Variants in ATRX observed in about 807,000 individuals in gnomAD.
ATRX encodes the protein ATRX chromatin remodeler.
In ATRX, 12 loss-of-function variants were observed where a neutral mutation model predicts 172.6. That is an observed-to-expected ratio of 0.07 (90% CI 0.04 to 0.11). ATRX has a LOEUF of 0.11. ATRX is among the 10% of genes least tolerant of loss of function. ATRX has a pLI of 1.00. For missense variants in ATRX, 1,368 were observed against 1,767.4 expected (o/e 0.77, Z 4.05); for synonymous variants, 674 against 594.7 (o/e 1.13, Z -1.94).
Position 77,733,192 on chromosome X carries a change from TG to T in ATRX, c.21-15950del, listed in dbSNP as rs2074374744. On this transcript the variant is annotated intron_variant, in intron 1 of 34. Transcript: ENST00000373344. ...GTAAAGATATTTCATGTTCATGGAC[TG>T]GAAGAATCAATATTGTTAAACTGTC... Among the ~76,000 whole-genome samples, 3 of 111,883 alleles carry T rather than the reference TG, an allele frequency of 2.7e-5. No individual in the cohort carries two copies. In the Admixed American group the frequency reaches 2.9e-4, roughly 11 times the overall value.
chrX:77,595,653 A>C (rs1166018165), intron 25 of ATRX: 2 of 111,017 alleles, frequency 1.8e-5, no homozygotes, highest in African/African-American at 6.5e-5. Context: ...CCCTGGATAA[A>C]TGAAAATCAA....
chrX:77,736,929 G>A (rs782572967), intron 1 of ATRX, among the ~76,000 whole-genome samples: 21 of 111,574 alleles, frequency 1.9e-4, no homozygotes, highest in Non-Finnish European at 3.4e-4. Flanking sequence ...CAACATGGAT[G>A]GAACTAGAGG....
chrX:77,555,064 C>G (rs1347251268), intron 30 of ATRX, among the ~76,000 whole-genome samples: 2 of 111,775 alleles, frequency 1.8e-5, no homozygotes, highest in Admixed American at 9.5e-5. Flanking sequence ...ATTGCCTGGC[C>G]CCTCTGTACT....
At chrX:77,565,869 T>C (rs2065181131) in intron 28 of ATRX, among the ~76,000 whole-genome samples, 1 of 108,720 alleles carries the variant, frequency 9.2e-6, no homozygotes, top group African/African-American at 3.3e-5. Flanking sequence ...AAAAAAAAAT[T>C]AGAACTGAAA....
intron 4 of ATRX, 73 bp from the exon 5 acceptor site, chrX:77,696,777 A>G: frequency 1.9e-6 from 2 of 1,070,107 alleles, no homozygotes; most frequent in South Asian, 2.0e-5. Context: ...AACATAAATA[A>G]CATGTTGAGA....
intron 25 of ATRX, chrX:77,594,571 T>C (rs1557082901): frequency 8.9e-6 from 1 of 112,091 alleles, no homozygotes; most frequent in African/African-American, 3.2e-5. Context: ...TATATTTTTG[T>C]TACAAAAATT....
intron 30 of ATRX, among the ~76,000 whole-genome samples, chrX:77,552,738 G>T (rs1557056998): frequency 9.0e-6 from 1 of 111,121 alleles, no homozygotes; most frequent in Admixed American, 9.6e-5. Context: ...TAAGTCTGAG[G>T]TATTAAATCA....
intron 1 of ATRX, among the ~76,000 whole-genome samples, chrX:77,725,284 A>G (rs1324555979): frequency 8.9e-6 from 1 of 111,902 alleles, no homozygotes; most frequent in Non-Finnish European, 1.9e-5. Context: ...ATATAGAACA[A>G]TGGAACAAAA....
intron 1 of ATRX, among the ~76,000 whole-genome samples, chrX:77,759,371 C>A (rs1052533292): frequency 7.4e-5 from 8 of 107,629 alleles, no homozygotes; most frequent in Non-Finnish European, 1.2e-4. Context: ...AAAAAAAAAA[C>A]AACAACTATC....
intron 26 of ATRX, among the ~76,000 whole-genome samples, chrX:77,592,297 G>C (rs1291178169): frequency 9.4e-6 from 1 of 105,927 alleles, no homozygotes; most frequent in African/African-American, 3.5e-5. Context: ...TGTAATCCCA[G>C]CTACTCAGGA....
At chrX:77,678,542 A>G in intron 9 of ATRX, among the ~76,000 whole-genome samples, 1 of 112,168 alleles carries the variant, frequency 8.9e-6, no homozygotes, top group Non-Finnish European at 1.9e-5. Flanking sequence ...GCTCAAGTGC[A>G]GTGGCGCGAT....
intron 6 of ATRX, among the ~76,000 whole-genome samples, chrX:77,693,038 C>T (rs929839891): frequency 1.1e-4 from 12 of 110,903 alleles, no homozygotes; most frequent in East Asian, 2.8e-4. Context: ...AGGCATGCGC[C>T]GCTATGTCCA....
At chrX:77,704,195 C>T (rs1364354255) in intron 2 of ATRX, among the ~76,000 whole-genome samples, 1 of 110,928 alleles carries the variant, frequency 9.0e-6, no homozygotes, top group Non-Finnish European at 1.9e-5. Context: ...CCCATCGTCT[C>T]TGCAGCTCTC....
intron 22 of ATRX, among the ~76,000 whole-genome samples, chrX:77,614,786 C>A (rs1487197173): frequency 2.7e-5 from 3 of 111,344 alleles, no homozygotes; most frequent in African/African-American, 9.8e-5. Flanking sequence ...TAACTACAGT[C>A]ACCCCATTCT....
At chrX:77,629,640 G>A (rs2068020592) in intron 19 of ATRX, among the ~76,000 whole-genome samples, 1 of 111,469 alleles carries the variant, frequency 9.0e-6, no homozygotes, top group Non-Finnish European at 1.9e-5. Flanking sequence ...TTTAACAAGG[G>A]TAATCTAGGT....
chrX:77,572,465 T>C (rs1256331133), intron 28 of ATRX, among the ~76,000 whole-genome samples: 1 of 111,748 alleles, frequency 8.9e-6, no homozygotes, highest in Non-Finnish European at 1.9e-5. Flanking sequence ...AGCATGAATT[T>C]GAATGACATG....
At chrX:77,551,113 T>C (rs1440473304) in intron 30 of ATRX, among the ~76,000 whole-genome samples, 15 of 111,591 alleles carry the variant, frequency 1.3e-4, no homozygotes, top group African/African-American at 4.6e-4. Flanking sequence ...TGGAAAAAAC[T>C]ACTTTAAAGT....
At chrX:77,550,124 C>A (rs1212283973) in intron 30 of ATRX, among the ~76,000 whole-genome samples, 1 of 111,881 alleles carries the variant, frequency 8.9e-6, no homozygotes, top group Non-Finnish European at 1.9e-5. Flanking sequence ...ACAGACTAAC[C>A]AATCTTCATC....
At position 77,508,300 on chromosome X, in the gene ATRX, AT is replaced by A. The variant is rs782268822; in HGVS notation, c.*50del. Reference sequence around the variant, plus strand: ...TGTTAAGTCATTGATTCCTAAAAAAATAAAAGATCTTTCTATGATTTTAACA... The same window carrying A: ...TGTTAAGTCATTGATTCCTAAAAAAAAAAAGATCTTTCTATGATTTTAACA... On this transcript the variant is annotated 3_prime_UTR_variant, in exon 35 of 35. Coordinates refer to ENST00000373344, the MANE Select transcript of ATRX (RefSeq NM_000489.6). The A allele has an allele frequency of 3.4e-6, 4 of 1,187,289 alleles. No homozygotes were observed. Among genetic ancestry groups the A allele is most frequent in the South Asian group, 3.6e-5 (2 of 56,176 alleles).
Sources: allele counts gnomAD v4.1 joint callset (sites outside exome capture counted in the v4.1 genomes callset), GRCh38; gene constraint gnomAD v4.1.1; transcripts MANE v1.5; gene names NCBI Gene and HGNC (gene_info 2026-07-23, HGNC 2026-07-21).